Variants in PTPN2 observed in about 807,000 individuals in gnomAD.
PTPN2 encodes protein tyrosine phosphatase non-receptor type 2.
Under a neutral mutation model 57.3 loss-of-function variants are expected in PTPN2, and 19 were observed. The observed-to-expected ratio is 0.33, with a 90% CI of 0.23 to 0.49. PTPN2 has a LOEUF of 0.49. Among genes scored for constraint, PTPN2 ranks in the 20% least tolerant of loss-of-function variants. The pLI is 0.99. For missense variants in PTPN2, 358 were observed against 501.1 expected (o/e 0.71, Z 2.73); for synonymous variants, 153 against 164.9 (o/e 0.93, Z 0.55).
At chr18:12,874,906 C>T (rs2044434450) in intron 1 of PTPN2, among the ~76,000 whole-genome samples, 1 of 152,154 alleles carries the variant, frequency 6.6e-6, no homozygotes, top group Admixed American at 6.5e-5. Flanking sequence ...CGGATGGTTG[C>T]CGTGTCTGTG....
intron 5 of PTPN2, among the ~76,000 whole-genome samples, chr18:12,819,972 C>G (rs919414476): frequency 6.6e-6 from 1 of 152,218 alleles, no homozygotes; most frequent in Non-Finnish European, 1.5e-5. Flanking sequence ...CTGCTTTGAG[C>G]AGGGGCCTGC....
chr18:12,848,846 T>C (rs1172854181), intron 2 of PTPN2, among the ~76,000 whole-genome samples: 1 of 152,252 alleles, frequency 6.6e-6, no homozygotes, highest in Non-Finnish European at 1.5e-5. Flanking sequence ...TATACTTTTA[T>C]TCCTCTTACT....
At chr18:12,800,637 T>G (rs924222619) in intron 8 of PTPN2, among the ~76,000 whole-genome samples, 2 of 152,154 alleles carry the variant, frequency 1.3e-5, no homozygotes, top group Admixed American at 1.3e-4. Context: ...GGTATTTAAT[T>G]TTTATATTAG....
At chr18:12,819,388 C>CT in intron 5 of PTPN2, 1 of 560,358 alleles carries the variant, frequency 1.8e-6, no homozygotes, top group South Asian at 2.4e-5. Context: ...CAAAGCCAGA[C>CT]TAAAGGCTAT....
rs1270327384 is a variant in PTPN2 at position 12,858,985 on chromosome 18, G to A, written c.160+179C>T. On this transcript the variant is annotated intron_variant, in intron 2 of 8. Coordinates refer to ENST00000309660, the MANE Select transcript of PTPN2 (RefSeq NM_002828.4). ...ATGTTTGAAGGATGAAATAATTATG[G>A]GTAATTATTTTTCCTTCCACTATTC... is the stretch of plus-strand genomic sequence containing the variant. Among the ~76,000 whole-genome samples, 3 of 152,024 alleles carry A rather than the reference G, an allele frequency of 2.0e-5. No homozygotes were observed. The East Asian group carries it at 5.8e-4, about 29-fold the overall frequency.
chr18:12,815,130 AAAT>A (rs1462959388), intron 6 of PTPN2, among the ~76,000 whole-genome samples: 35 of 135,054 alleles, frequency 2.6e-4, no homozygotes, highest in South Asian at 6.8e-4. Context: ...ATAAATAAAT[AAAT>A]AAAAATGTGG....
chr18:12,830,978 C>T lies in PTPN2; in HGVS notation c.325G>A (p.Val109Ile). ...LMVWQQKTKAVVMLNRIVEKE... is the reference protein window; with the variant it reads ...LMVWQQKTKAIVMLNRIVEKE... ...TCCACAATGCGGTTCAGCATGACAA[C>T]TGCTTTGGTCTTCTGCTGCCAAACC... The change falls in exon 4 of 9, where the codon GTT becomes ATT. Residue 109 changes from valine to isoleucine, a missense_variant. Val to Ile is a conservative substitution (Grantham distance 29, BLOSUM62 3). This residue lies in a region of PTPN2 where 193 missense variants were observed against 315.4 expected (regional missense o/e 0.61). Transcript: ENST00000309660. 4 of 1,610,076 alleles carry T rather than the reference C, an allele frequency of 2.5e-6. No individual in the cohort carries two copies. Among genetic ancestry groups the T allele is most frequent in the Non-Finnish European group, 3.4e-6 (4 of 1,176,444 alleles).
intron 1 of PTPN2, chr18:12,863,596 G>GT (rs2043892459): frequency 6.9e-6 from 1 of 145,004 alleles, no homozygotes; most frequent in Admixed American, 7.0e-5. Flanking sequence ...ATTGCAGGAT[G>GT]TTTAGCAGCA....
chr18:12,796,955 C>A (rs1283913207), intron 8 of PTPN2, among the ~76,000 whole-genome samples: 1 of 152,110 alleles, frequency 6.6e-6, no homozygotes, highest in Non-Finnish European at 1.5e-5. Flanking sequence ...TATCTTTGTT[C>A]ATCTTATGGT....
intron 2 of PTPN2, among the ~76,000 whole-genome samples, chr18:12,856,319 G>C (rs1186383886): frequency 1.3e-5 from 2 of 152,218 alleles, no homozygotes; most frequent in Non-Finnish European, 2.9e-5. Context: ...GCTCAGACTA[G>C]AAAATCCTGT....
At chr18:12,880,088 C>A (rs1486638718) in intron 1 of PTPN2, among the ~76,000 whole-genome samples, 1 of 152,138 alleles carries the variant, frequency 6.6e-6, no homozygotes, top group Non-Finnish European at 1.5e-5. Flanking sequence ...GGGGCTCATA[C>A]CCAGCATGGG....
chr18:12,844,232 G>C (rs1043507924), intron 2 of PTPN2, among the ~76,000 whole-genome samples: 1 of 152,232 alleles, frequency 6.6e-6, no homozygotes, highest in African/African-American at 2.4e-5. Context: ...AGATAAAGCT[G>C]CTGTGAATAT....
At chr18:12,870,304 T>C (rs1207044081) in intron 1 of PTPN2, among the ~76,000 whole-genome samples, 1 of 88,556 alleles carries the variant, frequency 1.1e-5, no homozygotes, top group Non-Finnish European at 2.1e-5. Context: ...TATATGTGTA[T>C]ATATACATAT....
rs530967798 is a variant in PTPN2 at position 12,872,706 on chromosome 18, TC to T, written c.69+11366del. 6.6e-5 allele frequency among the ~76,000 whole-genome samples: 10 copies of T among 151,408 alleles called. No homozygotes were observed. In the South Asian group the frequency reaches 2.1e-3, roughly 31 times the overall value. ...ATTGTATTTGTGCGGACATTTCCTC[TC>T]ATAAACATGTTTCATCTTAAAGGTG... On this transcript the variant is annotated intron_variant, in intron 1 of 8. Transcript: ENST00000309660.
At chr18:12,820,125 C>T (rs1223734637) in intron 5 of PTPN2, among the ~76,000 whole-genome samples, 1 of 150,984 alleles carries the variant, frequency 6.6e-6, no homozygotes, top group Non-Finnish European at 1.5e-5. Flanking sequence ...TGGCTCAAAA[C>T]TAGTGGTCTC....
At chr18:12,811,889 G>A (rs1346303417) in intron 7 of PTPN2, among the ~76,000 whole-genome samples, 5 of 151,960 alleles carry the variant, frequency 3.3e-5, no homozygotes, top group Non-Finnish European at 5.9e-5. Context: ...CTGCCACTAG[G>A]AGCCATGCCC....
At chr18:12,867,442 G>A (rs955708651) in intron 1 of PTPN2, among the ~76,000 whole-genome samples, 3 of 151,964 alleles carry the variant, frequency 2.0e-5, no homozygotes, top group East Asian at 1.9e-4. Context: ...AACAGTATCA[G>A]TACTTTTTTT....
chr18:12,847,359 G>A (rs1322050003), intron 2 of PTPN2, among the ~76,000 whole-genome samples: 1 of 152,126 alleles, frequency 6.6e-6, no homozygotes, highest in African/African-American at 2.4e-5. Flanking sequence ...GCTATTATTC[G>A]CTCATGAACC....
chr18:12,816,013 C>G (rs2042062588), intron 6 of PTPN2, among the ~76,000 whole-genome samples: 1 of 152,118 alleles, frequency 6.6e-6, no homozygotes. Context: ...GTTAAGAACA[C>G]CAGTCTTGTG....
Sources: gnomAD v4.1 joint callset for allele counts (sites outside exome capture counted in the v4.1 genomes callset) on GRCh38, gnomAD v4.1.1 for gene constraint, gnomAD v4.1.1 regional missense constraint, MANE v1.5 for transcripts, NCBI Gene and HGNC (gene_info 2026-07-23, HGNC 2026-07-21) for gene names.